The following PTPN13 variants were observed in gnomAD, a reference collection of about 807,000 sequenced individuals.
PTPN13 encodes protein tyrosine phosphatase non-receptor type 13.
In PTPN13, 191 loss-of-function variants were observed where a neutral mutation model predicts 284.0. The ratio of observed to expected loss-of-function variants is 0.67; its 90% CI spans 0.60 to 0.76. The LOEUF is 0.76. PTPN13 is among the 30% of genes least tolerant of loss of function. PTPN13 has a pLI of 0.00. For missense variants in PTPN13, 2,797 were observed against 2,939.9 expected (o/e 0.95, Z 1.12); for synonymous variants, 986 against 1,022.3 (o/e 0.96, Z 0.68).
In PTPN13 at chr4:86,741,686, A is replaced by G. The variant is rs761203126; in HGVS notation, c.2357A>G (p.Glu786Gly). The change falls in exon 16 of 48, where the codon GAG becomes GGG. Residue 786 changes from glutamate (E) to glycine (G), a missense_variant. Transcript: ENST00000411767. ...YGVHFHRVHP[E>G]KKSQTGILLG... is the part of the protein sequence containing the mutation. ...GTTCATTTTCACCGAGTGCACCCTG[A>G]GAAGAAGTCACAAACAGGAATATTG... 6.2e-7 allele frequency: 1 copy of G among 1,613,812 alleles called. No individual in the cohort carries two copies. The highest frequency in any genetic ancestry group is 8.5e-7 in the Non-Finnish European group (1 of 1,179,794).
chr4:86,693,583 A>G lies in PTPN13; in HGVS notation c.547-4A>G. ...AAACTTGATTTTTTATTACCTGTGTACAGACAGATCAGCTTTCCTGTAACA... is the reference window on the plus strand; with the variant it reads ...AAACTTGATTTTTTATTACCTGTGTGCAGACAGATCAGCTTTCCTGTAACA... On this transcript the variant is annotated splice_region_variant and splice_polypyrimidine_tract_variant and intron_variant, in intron 5 of 47. Transcript: ENST00000411767. 6.5e-7 allele frequency: 1 copy of G among 1,542,590 alleles called. No individual in the cohort carries two copies. Among genetic ancestry groups the G allele is most frequent in the African/African-American group, 1.4e-5 (1 of 73,272 alleles).
At chr4:86,657,179 A>G (rs1725937377) in intron 2 of PTPN13, among the ~76,000 whole-genome samples, 1 of 152,180 alleles carries the variant, frequency 6.6e-6, no homozygotes, top group Non-Finnish European at 1.5e-5. Context: ...TTCCCTGGGT[A>G]AGGTGATGCC....
chr4:86,796,743 G>A (rs1471071006), intron 40 of PTPN13, 131 bp from the exon 41 acceptor site: 2 of 624,042 alleles, frequency 3.2e-6, no homozygotes, highest in Non-Finnish European at 5.6e-6. Context: ...TTAATTGAAT[G>A]TCATATGTGT....
chr4:86,654,550 C>T (rs201727434), intron 2 of PTPN13, among the ~76,000 whole-genome samples: 9 of 152,228 alleles, frequency 5.9e-5, no homozygotes, highest in East Asian at 3.9e-4. Flanking sequence ...TGTAGTTGAG[C>T]GGTTTTGAGT....
chr4:86,611,774 G>A (rs1719914439), intron 1 of PTPN13, among the ~76,000 whole-genome samples: 1 of 152,164 alleles, frequency 6.6e-6, no homozygotes, highest in African/African-American at 2.4e-5. Flanking sequence ...AGAGTTAACA[G>A]GACAGAGTAC....
intron 28 of PTPN13, among the ~76,000 whole-genome samples, chr4:86,768,751 C>G (rs2149266601): frequency 6.9e-6 from 1 of 145,302 alleles, no homozygotes; most frequent in South Asian, 2.2e-4. Flanking sequence ...CGTTCTGTTG[C>G]CCAGGCTGGA....
intron 46 of PTPN13, 126 bp from the exon 47 acceptor site, chr4:86,810,920 C>A (rs1745148230): frequency 2.6e-6 from 2 of 781,654 alleles, no homozygotes. Flanking sequence ...GAGAGTTTCC[C>A]AAGACTACCA....
Position 86,758,678 on chromosome 4 carries a change from G to A in PTPN13, c.3314G>A (p.Gly1105Glu). The A allele has an allele frequency of 6.2e-7, 1 of 1,609,700 alleles. No homozygotes were observed. The highest frequency in any genetic ancestry group is 8.5e-7 in the Non-Finnish European group (1 of 1,176,316). Residue 1105 changes from glycine (G) to glutamate (E), a missense_variant and splice_region_variant, in exon 22 of 48, where the codon GGA (glycine) becomes GAA (glutamate). Physicochemically the swap from Gly to Glu is moderately conservative, Grantham distance 98. Transcript: ENST00000411767. ...NLKKDAKYGL[G>E]FQIIGGEKMG... ...CTTTTTAAAATGTGTTATTTTACAG[G>A]ATTTCAAATTATTGGTGGGGAGAAG...
intron 10 of PTPN13, among the ~76,000 whole-genome samples, chr4:86,728,678 G>A (rs1331225865): frequency 2.5e-5 from 1 of 40,412 alleles, no homozygotes; most frequent in Non-Finnish European, 4.7e-5. Context: ...TTTTTTTTTT[G>A]CTTTCCATTT....
chr4:86,662,281 T>G (rs967400424), intron 2 of PTPN13, among the ~76,000 whole-genome samples: 3 of 152,222 alleles, frequency 2.0e-5, no homozygotes, highest in African/African-American at 7.2e-5. Context: ...TATAGCTGCT[T>G]TAATAGGGTG....
Position 86,814,587 on chromosome 4 carries a change from T to C in PTPN13, c.*36T>C. On this transcript the variant is annotated 3_prime_UTR_variant, in exon 48 of 48. Transcript: ENST00000411767. ...GCCTCTGGATGCATTTCCATTTCTC[T>C]CCTTAACCTCCAGCAGACTCCTGCT... 6.6e-7 allele frequency: 1 copy of C among 1,519,968 alleles called. No homozygotes were observed. The highest frequency in any genetic ancestry group is 9.1e-7 in the Non-Finnish European group (1 of 1,096,584). 94.2% of individuals were successfully genotyped at this position (1,519,968 alleles called of 1,614,324 possible).
At chr4:86,678,516 C>G (rs771722970) in intron 3 of PTPN13, among the ~76,000 whole-genome samples, 1 of 152,214 alleles carries the variant, frequency 6.6e-6, no homozygotes, top group Non-Finnish European at 1.5e-5. Context: ...GTATATATCT[C>G]TAGCACCATG....
At chr4:86,799,708 G>A (rs1026625035) in intron 42 of PTPN13, among the ~76,000 whole-genome samples, 16 of 150,580 alleles carry the variant, frequency 1.1e-4, no homozygotes, top group African/African-American at 3.9e-4. Flanking sequence ...TATTTGCACA[G>A]TTATATTCTA....
chr4:86,656,101 T>G (rs1725770235), intron 2 of PTPN13, among the ~76,000 whole-genome samples: 1 of 152,216 alleles, frequency 6.6e-6, no homozygotes, highest in Admixed American at 6.5e-5. Flanking sequence ...TTCAGGTCAT[T>G]TAAGGACTTC....
chr4:86,739,280 T>G lies in PTPN13; in HGVS notation c.2305-2354T>G, dbSNP rs571991838. ...TCCACATTAAACTACATTGATATAG[T>G]GTGTTAGTCCTTTGTCACACTGCTG... On this transcript the variant is annotated intron_variant, in intron 15 of 47. Transcript: ENST00000411767. Among the ~76,000 whole-genome samples, 12 of 152,320 alleles carry G rather than the reference T, an allele frequency of 7.9e-5. No individual in the cohort carries two copies. In the East Asian group the frequency reaches 2.1e-3, roughly 27 times the overall value.
intron 47 of PTPN13, 106 bp downstream of exon 47, chr4:86,811,214 C>T: frequency 1.8e-6 from 2 of 1,089,340 alleles, no homozygotes; most frequent in Non-Finnish European, 2.5e-6. Flanking sequence ...CATGTTAGAG[C>T]ATAAAACCAA....
In PTPN13 at chr4:86,780,442, G is replaced by A. The variant is rs770470282; in HGVS notation, c.5932G>A (p.Val1978Ile). 2 of 1,610,956 alleles carry A rather than the reference G, an allele frequency of 1.2e-6. No homozygotes were observed. Among genetic ancestry groups the A allele is most frequent in the Non-Finnish European group, 1.7e-6 (2 of 1,178,296 alleles). Residue 1978 changes from valine (V) to isoleucine (I), a missense_variant, in exon 36 of 48, where the codon GTT becomes ATT. Physicochemically the swap from Val to Ile is conservative, Grantham distance 29. Coordinates refer to ENST00000411767, the MANE Select transcript of PTPN13 (RefSeq NM_080683.3). ...GGTCCCCAGCTCAAAGAGGTCTGCT[G>A]TTTCAGCTCCAAAGTCAACCAAAGG... ...PVVPSSKRSA[V>I]SAPKSTKGNG...
At chr4:86,759,127 C>CT in intron 23 of PTPN13, 54 bp downstream of exon 23, 1 of 1,557,000 alleles carries the variant, frequency 6.4e-7, no homozygotes, top group Non-Finnish European at 8.7e-7. Context: ...TGTCTCATTC[C>CT]TTTTTAGTGA....
At chr4:86,703,458 G>C (rs1731382200) in intron 7 of PTPN13, among the ~76,000 whole-genome samples, 1 of 150,924 alleles carries the variant, frequency 6.6e-6, no homozygotes, top group Non-Finnish European at 1.5e-5. Context: ...AACCTTCAAT[G>C]ATTCAAATAG....
Sources: allele counts gnomAD v4.1 joint callset (sites outside exome capture counted in the v4.1 genomes callset), GRCh38; gene constraint gnomAD v4.1.1; transcripts MANE v1.5; gene names NCBI Gene and HGNC (gene_info 2026-07-23, HGNC 2026-07-21).